The following COL5A2 variants were observed in gnomAD, a reference collection of about 807,000 sequenced individuals.
The protein encoded by COL5A2 is collagen type V alpha 2 chain, also known as collagen alpha-2(V) chain.
In COL5A2, 23 loss-of-function variants were observed where a neutral mutation model predicts 208.2. That is an observed-to-expected ratio of 0.11 (90% CI 0.08 to 0.16). The LOEUF (loss-of-function observed/expected upper bound fraction) is 0.16, where lower values mean the gene tolerates loss of function less well. Ranked by LOEUF, COL5A2 falls within the 10% of genes least tolerant of loss-of-function variation. The probability of loss-of-function intolerance (pLI) is 1.00; values close to 1 mark genes in which losing one functional copy is unlikely to be tolerated. For synonymous variants in COL5A2, 625 were observed against 628.5 expected, an observed-to-expected ratio of 0.99 and a Z score of 0.08; for missense variants, 1,590 against 1,956.4, an observed-to-expected ratio of 0.81 and a Z score of 3.53.
intron 52 of COL5A2, among the ~76,000 whole-genome samples, chr2:189,035,988 T>C (rs1157207124): frequency 6.6e-6 from 1 of 152,096 alleles, no homozygotes; most frequent in African/African-American, 2.4e-5. Context: ...CTTCATAACA[T>C]TACAAAAATG....
the COL5A2 span, among the ~76,000 whole-genome samples, chr2:189,378,417 T>G: frequency 1.3e-5 from 2 of 152,154 alleles, no homozygotes. Context: ...GTCATCTAAT[T>G]CTCACTGTTT....
chr2:189,219,567 G>C (rs1689321646), intron 1 of COL5A2, among the ~76,000 whole-genome samples: 1 of 152,074 alleles, frequency 6.6e-6, no homozygotes, highest in Non-Finnish European at 1.5e-5. Context: ...TGATGACTTA[G>C]GCAAGAAAGT....
intron 1 of COL5A2, among the ~76,000 whole-genome samples, chr2:189,144,432 T>C (rs1270800159): frequency 1.3e-5 from 2 of 152,118 alleles, no homozygotes; most frequent in Non-Finnish European, 2.9e-5. Context: ...TGTGTTTGTA[T>C]AGTCATGTAT....
intron 1 of COL5A2, among the ~76,000 whole-genome samples, chr2:189,126,924 C>T (rs1263483894): frequency 2.0e-5 from 3 of 151,986 alleles, no homozygotes; most frequent in Admixed American, 2.0e-4. Flanking sequence ...CTGAACAAAA[C>T]AAAAGAAATC....
chr2:189,403,987 T>C, the COL5A2 span, among the ~76,000 whole-genome samples: 1 of 152,136 alleles, frequency 6.6e-6, no homozygotes, highest in Non-Finnish European at 1.5e-5. Context: ...CACCTCAGTC[T>C]CCCAAAGTGC....
At chr2:189,336,244 T>A in the COL5A2 span, among the ~76,000 whole-genome samples, 2 of 152,122 alleles carry the variant, frequency 1.3e-5, no homozygotes, top group Admixed American at 1.3e-4. Flanking sequence ...TAATACCAAG[T>A]AATGGCAAGG....
intron 1 of COL5A2, among the ~76,000 whole-genome samples, chr2:189,152,184 T>G (rs1201037460): frequency 1.3e-5 from 2 of 152,168 alleles, no homozygotes; most frequent in Admixed American, 1.3e-4. Flanking sequence ...TCCTTTACAT[T>G]TTTTAGATAT....
At chr2:189,378,178 T>C in the COL5A2 span, among the ~76,000 whole-genome samples, 1 of 152,236 alleles carries the variant, frequency 6.6e-6, no homozygotes, top group Admixed American at 6.5e-5. Flanking sequence ...CGGTGATTTC[T>C]TTTTTAATGC....
chr2:189,336,996 G>T, the COL5A2 span, among the ~76,000 whole-genome samples: 17 of 152,064 alleles, frequency 1.1e-4, no homozygotes, highest in South Asian at 6.2e-4. Flanking sequence ...TTTTTTTCTG[G>T]CCTACTTTTT....
In COL5A2 at chr2:189,063,245, G is replaced by A. The variant is rs758807897; in HGVS notation, c.1796C>T (p.Pro599Leu). ...PLGAPGEDGR[P>L]GPPGSIGIRG... is the part of the protein sequence containing the mutation. ...GATTCCTATGGAGCCTGGAGGACCT[G>A]GACGGCCATCTTCCCCTGGCGCACC... is the stretch of plus-strand genomic sequence containing the variant. Residue 599 changes from proline to leucine, a missense_variant, in exon 27 of 54, where the codon CCA (proline) becomes CTA (leucine). Physicochemically the swap from Pro to Leu is moderately conservative, Grantham distance 98. Transcript: ENST00000374866. The A allele has an allele frequency of 2.0e-5, 33 of 1,613,942 alleles. No individual in the cohort carries two copies. The highest frequency in any genetic ancestry group is 2.6e-5 in the Non-Finnish European group (31 of 1,180,018).
chr2:189,189,973 CA>C (rs1039836081), intron 1 of COL5A2, among the ~76,000 whole-genome samples: 3 of 151,500 alleles, frequency 2.0e-5, no homozygotes, highest in Admixed American at 6.6e-5. Flanking sequence ...AATATACATG[CA>C]AAAAAAAGTT....
the COL5A2 span, among the ~76,000 whole-genome samples, chr2:189,361,344 C>T: frequency 6.6e-6 from 1 of 152,110 alleles, no homozygotes; most frequent in Non-Finnish European, 1.5e-5. Flanking sequence ...GTGCTGACCC[C>T]TTCATTATTA....
At chr2:189,253,755 T>G in the COL5A2 span, among the ~76,000 whole-genome samples, 4 of 152,220 alleles carry the variant, frequency 2.6e-5, no homozygotes, top group Admixed American at 6.5e-5. Context: ...AAACATGTTT[T>G]TTTCACCCTC....
At chr2:189,041,418 T>C (rs763737200) in intron 50 of COL5A2, among the ~76,000 whole-genome samples, 168 bp downstream of exon 50, 2 of 152,238 alleles carry the variant, frequency 1.3e-5, no homozygotes, top group African/African-American at 2.4e-5. Context: ...CTCTAACTTA[T>C]CTGTATTAAA....
At chr2:189,185,532 G>GA (rs959393666) in intron 1 of COL5A2, among the ~76,000 whole-genome samples, 5 of 151,948 alleles carry the variant, frequency 3.3e-5, no homozygotes, top group African/African-American at 1.2e-4. Flanking sequence ...CAAAGAGCTA[G>GA]AAAAAAAATG....
Position 189,127,220 on chromosome 2 carries a change from G to A in COL5A2, c.98-16771C>T, listed in dbSNP as rs568874521. ...ACAAAAAAAAGGAAAGCAAAATTGA[G>A]TGGTTAAAAAGGGACAGGGTTGGAA... On this transcript the variant is annotated intron_variant, in intron 1 of 53. Coordinates refer to ENST00000374866, the MANE Select transcript of COL5A2 (RefSeq NM_000393.5). Among the ~76,000 whole-genome samples, 18 of 152,156 alleles carry A rather than the reference G, an allele frequency of 1.2e-4. No individual in the cohort carries two copies. The South Asian group carries it at 2.5e-3, about 21-fold the overall frequency.
the COL5A2 span, among the ~76,000 whole-genome samples, chr2:189,417,847 T>G: frequency 6.6e-6 from 1 of 151,798 alleles, no homozygotes; most frequent in Non-Finnish European, 1.5e-5. Context: ...TATGTGTATA[T>G]ATATATGCAC....
Position 189,058,477 on chromosome 2 carries a change from G to C in COL5A2, c.2181C>G (p.Leu727=). 6.2e-7 allele frequency: 1 copy of C among 1,614,006 alleles called. No individual in the cohort carries two copies. Among genetic ancestry groups the C allele is most frequent in the Non-Finnish European group, 8.5e-7 (1 of 1,179,946 alleles). ...CTCCAGCCATTCCCTTCTCACCAGG[G>C]AGTCCAGTTATCCCAGGTTCTCCTC... ...GERGEPGITG[L]PGEKGMAGGH... The change falls in exon 33 of 54, where the codon CTC becomes CTG. Residue 727 remains leucine, a synonymous_variant. Coordinates refer to ENST00000374866, the MANE Select transcript of COL5A2 (RefSeq NM_000393.5).
At chr2:189,381,153 C>T in the COL5A2 span, among the ~76,000 whole-genome samples, 1 of 152,016 alleles carries the variant, frequency 6.6e-6, no homozygotes, top group Non-Finnish European at 1.5e-5. Context: ...AGAGTACTCA[C>T]TTCGTCACCT....
Sources: allele counts gnomAD v4.1 joint callset (sites outside exome capture counted in the v4.1 genomes callset), GRCh38; gene constraint gnomAD v4.1.1; transcripts MANE v1.5; gene names NCBI Gene and HGNC (gene_info 2026-07-23, HGNC 2026-07-21).